Variants in PIGL observed in about 807,000 individuals in gnomAD.
PIGL encodes phosphatidylinositol glycan anchor biosynthesis class L.
PIGL carries 22 observed loss-of-function variants against 31.1 expected under a neutral mutation model. The observed-to-expected ratio is 0.71, with a 90% CI of 0.51 to 1.01. The LOEUF (loss-of-function observed/expected upper bound fraction) is 1.01, where lower values mean the gene tolerates loss of function less well. Ranked by LOEUF, PIGL falls within the 50% of genes least tolerant of loss-of-function variation. The pLI is 0.00. For missense variants in PIGL, 302 were observed against 315.9 expected, an observed-to-expected ratio of 0.96 and a Z score of 0.33; for synonymous variants, 131 against 117.4, an observed-to-expected ratio of 1.12 and a Z score of -0.75.
chr17:16,258,653 A>G (rs1003565856), intron 2 of PIGL, among the ~76,000 whole-genome samples: 1 of 151,686 alleles, frequency 6.6e-6, no homozygotes, highest in African/African-American at 2.4e-5. Context: ...ACAGGCATGC[A>G]CCACCATGCC....
chr17:16,250,338 T>G (rs1047882223), intron 2 of PIGL, among the ~76,000 whole-genome samples: 3 of 152,226 alleles, frequency 2.0e-5, no homozygotes, highest in East Asian at 3.9e-4. Flanking sequence ...AAAAACATAG[T>G]ATATATAGGG....
At chr17:16,283,189 G>A (rs537498417) in intron 2 of PIGL, among the ~76,000 whole-genome samples, 6 of 151,946 alleles carry the variant, frequency 3.9e-5, no homozygotes, top group Non-Finnish European at 7.4e-5. Context: ...TTTTAGTAGA[G>A]GTGGGATTTC....
chr17:16,235,682 AC>A (rs1347053152), intron 2 of PIGL, among the ~76,000 whole-genome samples: 1 of 147,442 alleles, frequency 6.8e-6, no homozygotes, highest in African/African-American at 2.5e-5. Flanking sequence ...TGAACTCCCG[AC>A]CTCAGGTGAT....
At chr17:16,307,702 T>C (rs1270586816) in intron 3 of PIGL, among the ~76,000 whole-genome samples, 2 of 152,174 alleles carry the variant, frequency 1.3e-5, no homozygotes, top group African/African-American at 2.4e-5. Flanking sequence ...CACAGTGTCT[T>C]ATGCCTGGAA....
intron 5 of PIGL, chr17:16,317,426 C>T (rs2093082673): frequency 9.8e-7 from 1 of 1,016,340 alleles, no homozygotes; most frequent in Non-Finnish European, 1.2e-6. Context: ...CAATTCTTGA[C>T]TGACAGAGCT....
Position 16,237,469 on chromosome 17 carries a change from A to T in PIGL, c.335+3399A>T, listed in dbSNP as rs114527735. The stretch of plus-strand genomic sequence containing the variant: ...TACAGATGATTACAATTCAAAGTTA[A>T]TATTTCAGGGGTTTTGTTTAACGTC... On this transcript the variant is annotated intron_variant, in intron 2 of 6. Coordinates refer to ENST00000225609, the MANE Select transcript of PIGL (RefSeq NM_004278.4). Among the ~76,000 whole-genome samples, 389 of 151,610 alleles carry T rather than the reference A, an allele frequency of 2.6e-3. 1 individual carries two copies. Among genetic ancestry groups the T allele is most frequent in the African/African-American group, 9.0e-3 (370 of 41,306 alleles).
intron 2 of PIGL, among the ~76,000 whole-genome samples, chr17:16,297,111 T>C (rs1441855582): frequency 6.6e-6 from 1 of 152,176 alleles, no homozygotes; most frequent in East Asian, 1.9e-4. Flanking sequence ...AGGAGATAGA[T>C]TGGGGAAAAC....
At chr17:16,231,181 A>AT (rs1264894203) in intron 1 of PIGL, among the ~76,000 whole-genome samples, 2 of 139,328 alleles carry the variant, frequency 1.4e-5, no homozygotes, top group Non-Finnish European at 3.0e-5. Context: ...AGGAGCTGGG[A>AT]TTACAGGCAT....
intron 5 of PIGL, chr17:16,317,033 G>T: frequency 1.8e-6 from 2 of 1,128,280 alleles, no homozygotes; most frequent in Non-Finnish European, 2.2e-6. Flanking sequence ...AACCAATTAG[G>T]CAGGTTGTAA....
At chr17:16,306,763 A>G (rs879278468) in intron 3 of PIGL, among the ~76,000 whole-genome samples, 1 of 152,010 alleles carries the variant, frequency 6.6e-6, no homozygotes, top group Admixed American at 6.6e-5. Flanking sequence ...CCCCAACCTC[A>G]GGTGATCTGC....
At chr17:16,258,071 GA>G in intron 2 of PIGL, among the ~76,000 whole-genome samples, 1 of 28,460 alleles carries the variant, frequency 3.5e-5, no homozygotes, top group Non-Finnish European at 9.7e-5. Context: ...CAGAAAGAAA[GA>G]GAGAGAGAGA....
At position 16,322,011 on chromosome 17, in the gene PIGL, C is replaced by T. The variant is rs986376968; in HGVS notation, c.661-3789C>T. Among the ~76,000 whole-genome samples the T allele has an allele frequency of 2.0e-4, 31 of 151,932 alleles. 2 individuals are homozygous for T. Among genetic ancestry groups the T allele is most frequent in the Non-Finnish European group, 4.4e-5 (3 of 67,978 alleles). The stretch of plus-strand genomic sequence containing the variant: ...GTTGGTCAGGCTGGTCTCGAACTCC[C>T]GACCTCAGGTGATCGCCCACCTCAG... On this transcript the variant is annotated intron_variant, in intron 6 of 6. Transcript: ENST00000225609.
chr17:16,229,152 C>G (rs1262176169), intron 1 of PIGL, among the ~76,000 whole-genome samples: 1 of 151,956 alleles, frequency 6.6e-6, no homozygotes, highest in Non-Finnish European at 1.5e-5. Flanking sequence ...TGGCGAGTGC[C>G]TATAGTCCCA....
chr17:16,275,455 T>C (rs942936067), intron 2 of PIGL, among the ~76,000 whole-genome samples: 10 of 152,152 alleles, frequency 6.6e-5, no homozygotes, highest in Non-Finnish European at 1.5e-4. Flanking sequence ...TGACCTCCTA[T>C]CTCATCCTAT....
chr17:16,245,625 G>A lies in PIGL; in HGVS notation c.335+11555G>A, dbSNP rs1165253516. 4.1e-5 allele frequency among the ~76,000 whole-genome samples: 6 copies of A among 147,940 alleles called. No homozygotes were observed. The East Asian group carries it at 8.1e-4, about 20-fold the overall frequency. ...TCACCATGTTGGGCAGGATGGTCTC[G>A]ATCTCTTGACCTCATGATCTGCCCG... On this transcript the variant is annotated intron_variant, in intron 2 of 6. Coordinates refer to ENST00000225609, the MANE Select transcript of PIGL (RefSeq NM_004278.4).
At chr17:16,263,833 C>CTTTT (rs913026747) in intron 2 of PIGL, among the ~76,000 whole-genome samples, 15 of 76,978 alleles carry the variant, frequency 1.9e-4, no homozygotes, top group Non-Finnish European at 3.6e-4. Context: ...TAAATGTTGA[C>CTTTT]TTTTTTTTTT....
intron 2 of PIGL, among the ~76,000 whole-genome samples, chr17:16,250,405 C>G (rs902214350): frequency 6.6e-6 from 1 of 152,182 alleles, no homozygotes. Flanking sequence ...ATATCATCCA[C>G]AGGTAAAAGG....
chr17:16,224,137 C>A (rs552705353), intron 1 of PIGL, among the ~76,000 whole-genome samples: 1 of 151,810 alleles, frequency 6.6e-6, no homozygotes, highest in South Asian at 2.1e-4. Context: ...ATCACTTGAA[C>A]CTGGGAGGCG....
intron 1 of PIGL, among the ~76,000 whole-genome samples, chr17:16,223,312 C>T (rs2092637536): frequency 6.6e-6 from 1 of 152,144 alleles, no homozygotes; most frequent in African/African-American, 2.4e-5. Flanking sequence ...GGCGCAGTGG[C>T]TCGTGCCTGT....
Sources: allele counts gnomAD v4.1 joint callset (sites outside exome capture counted in the v4.1 genomes callset), GRCh38; gene constraint gnomAD v4.1.1; transcripts MANE v1.5; gene names NCBI Gene and HGNC (gene_info 2026-07-23, HGNC 2026-07-21).